Variants in CDON observed in about 807,000 individuals in gnomAD.
CDON encodes cell adhesion associated, oncogene regulated.
A neutral mutation model predicts 120.9 loss-of-function variants in CDON; 73 were observed. The observed-to-expected ratio is 0.60, with a 90% CI of 0.50 to 0.73. The LOEUF is 0.73. Among genes scored for constraint, CDON ranks in the 30% least tolerant of loss-of-function variants. CDON has a pLI of 0.00. For synonymous variants in CDON, 566 were observed against 573.5 expected, an observed-to-expected ratio of 0.99 and a Z score of 0.19; for missense variants, 1,470 against 1,587.3, an observed-to-expected ratio of 0.93 and a Z score of 1.26.
At chr11:126,037,307 C>T (rs995915316) in intron 1 of CDON, among the ~76,000 whole-genome samples, 3 of 151,970 alleles carry the variant, frequency 2.0e-5, no homozygotes, top group African/African-American at 7.3e-5. Context: ...ACCACGTTGG[C>T]CAGGCTGGTC....
At chr11:125,993,730 AGGC>A (rs537806511) in intron 14 of CDON, among the ~76,000 whole-genome samples, 160 of 152,338 alleles carry the variant, frequency 1.1e-3, no homozygotes, top group African/African-American at 3.6e-3. Flanking sequence ...GACGTGGTGT[AGGC>A]AGGGGCCAGC....
chr11:125,966,852 T>C (rs1945814723), intron 18 of CDON, among the ~76,000 whole-genome samples: 1 of 151,030 alleles, frequency 6.6e-6, no homozygotes, highest in Non-Finnish European at 1.5e-5. Context: ...TAACTGCCAA[T>C]CTAGAAGTCA....
chr11:126,058,993 C>G (rs1212086521), intron 1 of CDON, among the ~76,000 whole-genome samples: 1 of 152,134 alleles, frequency 6.6e-6, no homozygotes, highest in Non-Finnish European at 1.5e-5. Flanking sequence ...AAGACATAAT[C>G]TAAATTAGAA....
intron 11 of CDON, among the ~76,000 whole-genome samples, chr11:126,001,133 A>C (rs931462797): frequency 6.6e-6 from 1 of 152,150 alleles, no homozygotes; most frequent in African/African-American, 2.4e-5. Flanking sequence ...TGAGATTTTC[A>C]GAGTTCAAAA....
At chr11:125,961,133 T>C in intron 19 of CDON, 28 bp from the exon 20 acceptor site, 2 of 1,605,924 alleles carry the variant, frequency 1.2e-6, no homozygotes, top group Non-Finnish European at 1.7e-6. Context: ...TTGGGAGCAT[T>C]ATCAAATGAT....
intron 18 of CDON, among the ~76,000 whole-genome samples, chr11:125,975,374 T>G (rs58796833): frequency 0.031 from 4,725 of 152,320 alleles, 265 homozygotes; most frequent in African/African-American, 0.11. Context: ...AGGCACTCAA[T>G]AAAAGGCCTT....
At chr11:125,964,782 C>T (rs934577793) in intron 18 of CDON, among the ~76,000 whole-genome samples, 2 of 152,184 alleles carry the variant, frequency 1.3e-5, no homozygotes, top group Admixed American at 6.5e-5. Context: ...CATATTGCAT[C>T]AGACTCAATC....
chr11:126,047,754 GCTCT>G (rs1948440191), intron 1 of CDON, among the ~76,000 whole-genome samples: 1 of 152,076 alleles, frequency 6.6e-6, no homozygotes, highest in African/African-American at 2.4e-5. Flanking sequence ...TTGACTCCAG[GCTCT>G]CTGACTCCAG....
chr11:126,017,167 C>T lies in CDON; in HGVS notation c.849G>A (p.Ala283=), dbSNP rs745892116. Residue 283 remains alanine (A), a synonymous_variant, in exon 6 of 20, where the codon GCG becomes GCA. Coordinates refer to ENST00000531738, the MANE Select transcript of CDON (RefSeq NM_001378964.1). The stretch of plus-strand genomic sequence containing the variant: ...CCATGCAGGAATAGTTTCCGGAGTC[C>T]GCCGGGTCAACGCTATCAGTGGCAA... ...SHLATDSVDP[A]DSGNYSCMAG... The T allele has an allele frequency of 1.1e-5, 18 of 1,613,928 alleles. No homozygotes were observed. Among genetic ancestry groups the T allele is most frequent in the Admixed American group, 5.0e-5 (3 of 59,974 alleles).
At chr11:126,021,058 A>C (rs1213067576) in intron 3 of CDON, among the ~76,000 whole-genome samples, 190 bp downstream of exon 3, 3 of 152,170 alleles carry the variant, frequency 2.0e-5, no homozygotes, top group African/African-American at 7.2e-5. Context: ...GTTACTGATG[A>C]GGGCATGAGG....
chr11:126,027,103 T>G (rs1947811652), intron 1 of CDON, among the ~76,000 whole-genome samples: 2 of 152,210 alleles, frequency 1.3e-5, no homozygotes, highest in African/African-American at 4.8e-5. Flanking sequence ...CAGTTGATTT[T>G]GGAAGTTGGA....
intron 18 of CDON, among the ~76,000 whole-genome samples, chr11:125,975,849 G>A (rs1212413958): frequency 6.6e-6 from 1 of 152,108 alleles, no homozygotes; most frequent in Non-Finnish European, 1.5e-5. Flanking sequence ...CCTTCTACGG[G>A]GAAACACCTC....
chr11:126,047,779 A>C (rs1948440554), intron 1 of CDON, among the ~76,000 whole-genome samples: 1 of 152,200 alleles, frequency 6.6e-6, no homozygotes, highest in Non-Finnish European at 1.5e-5. Flanking sequence ...GACCTACCCT[A>C]GTCTAAACTG....
At chr11:126,003,690 C>T (rs567570301) in intron 10 of CDON, among the ~76,000 whole-genome samples, 4 of 152,160 alleles carry the variant, frequency 2.6e-5, no homozygotes, top group East Asian at 3.9e-4. Flanking sequence ...CATGGTGGCA[C>T]GCACCTGTAG....
intron 15 of CDON, among the ~76,000 whole-genome samples, chr11:125,985,460 G>C (rs900876121): frequency 6.6e-6 from 1 of 152,218 alleles, no homozygotes; most frequent in Non-Finnish European, 1.5e-5. Context: ...GATTACAGGC[G>C]TAAGCCACCG....
At chr11:126,062,916 C>G (rs903001776), upstream of CDON, 1 of 151,720 alleles carries the variant, frequency 6.6e-6, no homozygotes, top group Non-Finnish European at 1.5e-5. Flanking sequence ...GGAGCGCGGG[C>G]ACGTAACTCG....
At chr11:126,030,506 T>C (rs1168479814) in intron 1 of CDON, among the ~76,000 whole-genome samples, 2 of 152,256 alleles carry the variant, frequency 1.3e-5, no homozygotes, top group Non-Finnish European at 1.5e-5. Flanking sequence ...AGATCAGTTA[T>C]AGTTCTTCAA....
intron 1 of CDON, among the ~76,000 whole-genome samples, chr11:126,024,242 C>CA (rs891492526): frequency 3.9e-5 from 6 of 152,274 alleles, no homozygotes; most frequent in African/African-American, 1.4e-4. Context: ...AATGCAAGAG[C>CA]AAACCCTTAG....
intron 18 of CDON, among the ~76,000 whole-genome samples, chr11:125,974,390 AAGGGAGGGAGGGAGGG>A (rs149644937): frequency 8.9e-4 from 41 of 46,052 alleles, no homozygotes; most frequent in Middle Eastern, 8.6e-3. Flanking sequence ...GGAAGGAAGG[AAGGGAGGGAGGGAGGG>A]AGGGAGGGAG....
Sources: gnomAD v4.1 joint callset for allele counts (sites outside exome capture counted in the v4.1 genomes callset) on GRCh38, gnomAD v4.1.1 for gene constraint, MANE v1.5 for transcripts, NCBI Gene and HGNC (gene_info 2026-07-23, HGNC 2026-07-21) for gene names.